VAV2: variants seen among roughly 807,000 people sequenced by gnomAD.
VAV2 encodes the protein vav guanine nucleotide exchange factor 2.
A neutral mutation model predicts 132.5 loss-of-function variants in VAV2; 67 were observed. The observed-to-expected ratio is 0.51, with a 90% CI of 0.42 to 0.62. VAV2 has a LOEUF of 0.62. Among genes scored for constraint, VAV2 ranks in the 20% least tolerant of loss-of-function variants. The probability of loss-of-function intolerance (pLI) is 0.00; values close to 1 mark genes in which losing one functional copy is unlikely to be tolerated. For synonymous variants in VAV2, 492 were observed against 443.5 expected, an observed-to-expected ratio of 1.11 and a Z score of -1.37; for missense variants, 938 against 1,153.6, an observed-to-expected ratio of 0.81 and a Z score of 2.71.
At chr9:133,941,968 C>T (rs929589570) in intron 1 of VAV2, among the ~76,000 whole-genome samples, 6 of 152,002 alleles carry the variant, frequency 3.9e-5, no homozygotes, top group Admixed American at 2.6e-4. Context: ...GAATAGTGGG[C>T]GCCCTCGAAG....
intron 1 of VAV2, among the ~76,000 whole-genome samples, chr9:133,945,626 G>A (rs1012991115): frequency 3.3e-5 from 5 of 152,236 alleles, no homozygotes; most frequent in African/African-American, 1.2e-4. Flanking sequence ...AGGGGCCCGG[G>A]TGTCCTCAGT....
intron 2 of VAV2, among the ~76,000 whole-genome samples, chr9:133,889,785 C>T (rs1333778324): frequency 2.0e-5 from 3 of 152,040 alleles, no homozygotes; most frequent in African/African-American, 4.8e-5. Context: ...CTTCTCTGTC[C>T]CCCGTTAAAC....
chr9:133,893,434 G>C (rs1283254261), intron 2 of VAV2, among the ~76,000 whole-genome samples: 1 of 152,218 alleles, frequency 6.6e-6, no homozygotes. Context: ...TGGAGGAGGA[G>C]GCCCTAGCGA....
In VAV2 at chr9:133,991,394, C is replaced by T. The variant is rs1843011288; in HGVS notation, c.204+681G>A. Among the ~76,000 whole-genome samples, 1 of 152,216 alleles carries T rather than the reference C, an allele frequency of 6.6e-6. No individual in the cohort carries two copies. The highest frequency in any genetic ancestry group is 2.4e-5 in the African/African-American group (1 of 41,462). ...CCGCGACAAAGGCCACACTCAGCGC[C>T]CGAAGGAGGGGTGGGGGTGTTGGGA... On this transcript the variant is annotated intron_variant, in intron 1 of 29. Coordinates refer to ENST00000371850, the MANE Select transcript of VAV2 (RefSeq NM_001134398.2). This position sits in a 1 kb window ranked among gnomAD's most constrained non-coding sequence, Gnocchi z 4.8.
rs757074658 is a variant in VAV2, at chr9:133,912,307, A to G, written c.321+26796T>C. On this transcript the variant is annotated intron_variant, in intron 2 of 29. Transcript: ENST00000371850. This position sits in a 1 kb window ranked among gnomAD's most constrained non-coding sequence, Gnocchi z 4.3. ...CGGAGGATGGTCCAAGAAGGCGGGA[A>G]GGCCTTCCAGGTCTGGGAACATGAG... Among the ~76,000 whole-genome samples, 1 of 152,202 alleles carries G rather than the reference A, an allele frequency of 6.6e-6. No individual in the cohort carries two copies. Among genetic ancestry groups the G allele is most frequent in the Non-Finnish European group, 1.5e-5 (1 of 68,032 alleles).
chr9:133,957,107 C>G (rs1222406983), intron 1 of VAV2, among the ~76,000 whole-genome samples: 1 of 152,212 alleles, frequency 6.6e-6, no homozygotes, highest in Non-Finnish European at 1.5e-5. Context: ...AGCCTACCCT[C>G]TGGTGCTCTC....
intron 2 of VAV2, among the ~76,000 whole-genome samples, chr9:133,868,384 G>A (rs1330335886): frequency 6.6e-6 from 1 of 152,232 alleles, no homozygotes; most frequent in African/African-American, 2.4e-5. Flanking sequence ...GACTGCCCTG[G>A]GTTCAAATCC....
At position 133,861,396 on chromosome 9, in the gene VAV2, T is replaced by C. The variant is rs1390062805; in HGVS notation, c.358A>G (p.Ile120Val). Residue 120 changes from isoleucine (I) to valine (V), a missense_variant, in exon 3 of 30, where the codon ATC becomes GTC. By Grantham distance (29) the Ile-to-Val change is conservative. Transcript: ENST00000371850. The stretch of plus-strand genomic sequence containing the variant: ...CACCTGATCCCTTTGTTCTGCGCGA[T>C]GCTGTGCAGGGAGAGCCTCGACACC... ...SAVSRLSLHSIAQNKGIRPFP... is the reference protein window; with the variant it reads ...SAVSRLSLHSVAQNKGIRPFP... 1 of 1,613,544 alleles carries C rather than the reference T, an allele frequency of 6.2e-7. No homozygotes were observed. Among genetic ancestry groups the C allele is most frequent in the African/African-American group, 1.3e-5 (1 of 75,048 alleles).
intron 2 of VAV2, among the ~76,000 whole-genome samples, chr9:133,911,893 T>C (rs1245784742): frequency 6.6e-6 from 1 of 152,232 alleles, no homozygotes; most frequent in African/African-American, 2.4e-5. Flanking sequence ...CAGGTCAGGA[T>C]TGCCCAGGCC....
intron 1 of VAV2, among the ~76,000 whole-genome samples, chr9:133,981,955 T>C (rs973699956): frequency 6.6e-6 from 1 of 152,240 alleles, no homozygotes; most frequent in Non-Finnish European, 1.5e-5. Flanking sequence ...TTGCTCTTAC[T>C]GAGCACTTGC....
Position 133,788,573 on chromosome 9 carries a change from T to G in VAV2, c.1275-87A>C. 1.3e-6 allele frequency: 2 copies of G among 1,537,710 alleles called. No homozygotes were observed. The highest frequency in any genetic ancestry group is 1.8e-6 in the Non-Finnish European group (2 of 1,132,682). ...GCGGCAGGAGCTGAGCCTGAGGCTC[T>G]GGCACGCGGCTCCCTCTCCGGGCGA... On this transcript the variant is annotated intron_variant, in intron 14 of 29. Transcript: ENST00000371850. This position sits in a 1 kb window ranked among gnomAD's most constrained non-coding sequence, Gnocchi z 5.3.
chr9:133,789,468 G>C (rs775839004), intron 13 of VAV2, 125 bp from the exon 14 acceptor site: 99 of 856,576 alleles, frequency 1.2e-4, no homozygotes, highest in Non-Finnish European at 1.5e-4. Flanking sequence ...CGGGACGAAG[G>C]GAAACAGCCC....
intron 1 of VAV2, among the ~76,000 whole-genome samples, chr9:133,940,449 G>A (rs937369992): frequency 2.6e-5 from 4 of 152,156 alleles, no homozygotes; most frequent in African/African-American, 9.7e-5. Flanking sequence ...CAGAATCAGA[G>A]CCTAAGAGCG....
Position 133,772,291 on chromosome 9 carries a change from G to A in VAV2, c.2136-245C>T, listed in dbSNP as rs142210678. ...GGAACCCCTGGCTGCTCAGCTCCCC[G>A]CCTCTCCTGGCCTCTAGCCCTGCTG... On this transcript the variant is annotated intron_variant, in intron 25 of 29. Transcript: ENST00000371850. Among the ~76,000 whole-genome samples, 427 of 152,268 alleles carry A rather than the reference G, an allele frequency of 2.8e-3. 1 individual carries two copies. The highest frequency in any genetic ancestry group is 0.017 in the Middle Eastern group (5 of 294).
At chr9:133,848,039 A>AGGCCGAGACG (rs1251749118) in intron 3 of VAV2, among the ~76,000 whole-genome samples, 4 of 152,138 alleles carry the variant, frequency 2.6e-5, no homozygotes, top group Non-Finnish European at 5.9e-5. Flanking sequence ...GCACTTTGGG[A>AGGCCGAGACG]GGCCGAGACG....
chr9:133,789,242 C>A lies in VAV2; in HGVS notation c.1274+16G>T, dbSNP rs1405384120. 1 of 1,613,530 alleles carries A rather than the reference C, an allele frequency of 6.2e-7. No individual in the cohort carries two copies. The highest frequency in any genetic ancestry group is 1.7e-5 in the Admixed American group (1 of 59,972). On this transcript the variant is annotated intron_variant, in intron 14 of 29. Coordinates refer to ENST00000371850, the MANE Select transcript of VAV2 (RefSeq NM_001134398.2). ...TGGCGGGACGCCACCCAGCCCACAA[C>A]ACGCGCCCTGCTCACCTGTCCTGCT... is the stretch of plus-strand genomic sequence containing the variant.
intron 13 of VAV2, among the ~76,000 whole-genome samples, chr9:133,791,452 G>A (rs370229353): frequency 1.8e-4 from 28 of 152,276 alleles, no homozygotes; most frequent in African/African-American, 6.3e-4. Flanking sequence ...TTCTCCTCTT[G>A]GACTTGAAGG....
At chr9:133,895,994 G>A (rs1839186716) in intron 2 of VAV2, among the ~76,000 whole-genome samples, 1 of 82,926 alleles carries the variant, frequency 1.2e-5, no homozygotes, top group Non-Finnish European at 2.5e-5. Flanking sequence ...GATTTGGCAG[G>A]GTCATAGGAC....
chr9:133,943,994 G>A (rs2519110), intron 1 of VAV2, among the ~76,000 whole-genome samples: 105,659 of 151,770 alleles, frequency 0.7, 36,846 homozygotes, highest in East Asian at 0.8. Flanking sequence ...CAGGAGAGGC[G>A]GCGCAGGGCC....
Sources: allele counts gnomAD v4.1 joint callset (sites outside exome capture counted in the v4.1 genomes callset), GRCh38; gene constraint gnomAD v4.1.1; non-coding constraint Gnocchi (gnomAD v3.1); transcripts MANE v1.5; gene names NCBI Gene and HGNC (gene_info 2026-07-23, HGNC 2026-07-21).